SASH1: variants seen among roughly 807,000 people sequenced by gnomAD.
SASH1 encodes the protein SAM and SH3 domain containing 1.
A neutral mutation model predicts 125.2 loss-of-function variants in SASH1; 44 were observed. The observed-to-expected ratio is 0.35, with a 90% CI of 0.28 to 0.45. The LOEUF (loss-of-function observed/expected upper bound fraction) is 0.45. SASH1 is among the 20% of genes least tolerant of loss of function. The pLI, the probability that SASH1 is intolerant of heterozygous loss-of-function variation, is 1.00. For synonymous variants in SASH1, 639 were observed against 649.1 expected (o/e 0.98, Z 0.24); for missense variants, 1,426 against 1,614.5 (o/e 0.88, Z 2.00).
intron 17 of SASH1, 28 bp downstream of exon 17, chr6:148,540,584 C>G (rs370346094): frequency 2.0e-6 from 3 of 1,535,404 alleles, no homozygotes; most frequent in South Asian, 2.3e-5. Flanking sequence ...CGCTGGGAAC[C>G]TGCTTTGACA....
At chr6:148,253,880 T>A in the SASH1 span, among the ~76,000 whole-genome samples, 1 of 150,968 alleles carries the variant, frequency 6.6e-6, no homozygotes, top group Non-Finnish European at 1.5e-5. Context: ...CAAAAATAAA[T>A]AAATAAATAC....
the SASH1 span, among the ~76,000 whole-genome samples, chr6:148,256,674 A>G: frequency 2.6e-5 from 4 of 152,334 alleles, no homozygotes; most frequent in East Asian, 7.7e-4. Flanking sequence ...CAGGTCAGTG[A>G]GTTCCTTGGG....
At chr6:148,503,313 TAA>T (rs75511515) in intron 8 of SASH1, among the ~76,000 whole-genome samples, 3 of 149,158 alleles carry the variant, frequency 2.0e-5, no homozygotes, top group Admixed American at 6.7e-5. Context: ...GTCATCTTTC[TAA>T]AAAAAAAAAG....
chr6:148,464,302 T>G (rs1023669802), intron 4 of SASH1, among the ~76,000 whole-genome samples: 2 of 152,252 alleles, frequency 1.3e-5, no homozygotes, highest in Admixed American at 6.5e-5. Flanking sequence ...GTTCTGAGAC[T>G]TTAAATCCAA....
At chr6:148,527,361 AT>A in intron 11 of SASH1, 91 bp from the exon 12 acceptor site, 6 of 1,161,608 alleles carry the variant, frequency 5.2e-6, no homozygotes, top group Non-Finnish European at 5.9e-6. Flanking sequence ...GAATGTCAAT[AT>A]TTCTGAGAGC....
intron 4 of SASH1, among the ~76,000 whole-genome samples, chr6:148,459,291 C>A (rs1777507087): frequency 6.6e-6 from 1 of 152,154 alleles, no homozygotes. Context: ...ATGACTGAAT[C>A]CCATCCCAGA....
intron 2 of SASH1, among the ~76,000 whole-genome samples, chr6:148,421,227 G>GAAAGAAAGAAAGAAAGAAAGA (rs1215052788): frequency 6.6e-6 from 1 of 151,540 alleles, no homozygotes. Flanking sequence ...AAGAAAGAAA[G>GAAAGAAAGAAAGAAAGAAAGA]AAGGAAGTGA....
chr6:148,433,995 T>C (rs1399245827), intron 2 of SASH1, among the ~76,000 whole-genome samples: 2 of 151,750 alleles, frequency 1.3e-5, no homozygotes, highest in Admixed American at 6.6e-5. Flanking sequence ...TAGAATTCTT[T>C]TAGATATTTT....
chr6:148,216,177 C>T, the SASH1 span, among the ~76,000 whole-genome samples: 1 of 152,158 alleles, frequency 6.6e-6, no homozygotes, highest in Non-Finnish European at 1.5e-5. Flanking sequence ...ACTATACCAG[C>T]AATACCTTCT....
chr6:148,316,673 T>TAGTGG (rs1276879456), intron 1 of SASH1, among the ~76,000 whole-genome samples: 6 of 152,138 alleles, frequency 3.9e-5, no homozygotes, highest in Non-Finnish European at 7.4e-5. Flanking sequence ...ACCAAGAGAG[T>TAGTGG]AGTGGCATTT....
chr6:148,224,096 C>T, the SASH1 span, among the ~76,000 whole-genome samples: 52 of 152,212 alleles, frequency 3.4e-4, no homozygotes, highest in African/African-American at 1.2e-3. Context: ...GAGTTTGAGC[C>T]CAGCCTGAGC....
chr6:148,513,686 C>G (rs890231434), intron 8 of SASH1: 1 of 985,622 alleles, frequency 1.0e-6, no homozygotes, highest in African/African-American at 1.7e-5. Flanking sequence ...CAGCTTTTTC[C>G]CTTGTCTCTC....
chr6:148,402,893 G>C (rs1784231246), intron 2 of SASH1, among the ~76,000 whole-genome samples: 1 of 152,176 alleles, frequency 6.6e-6, no homozygotes, highest in South Asian at 2.1e-4. Flanking sequence ...ACAAGCGTGA[G>C]CCACAGCACC....
In SASH1 at chr6:148,343,112, C is replaced by CGGGGCCG; in HGVS notation, c.46_47insGGGCCGG (p.Glu16GlyfsTer48). The CGGGGCCG allele has an allele frequency of 6.3e-7, 1 of 1,583,200 alleles. No homozygotes were observed. Among genetic ancestry groups the CGGGGCCG allele is most frequent in the Non-Finnish European group, 8.5e-7 (1 of 1,171,870 alleles). ...CTGGCCCGGGGCCGGAGCCTGAGCC[C>CGGGGCCG]GAGCCCGAGCCGGAGCCCGAGCCCG... On this transcript the variant is annotated frameshift_variant, in exon 1 of 20. Transcript: ENST00000367467. LOFTEE classifies it high-confidence loss of function.
At chr6:148,455,190 C>A (rs1185343245) in intron 4 of SASH1, among the ~76,000 whole-genome samples, 1 of 152,168 alleles carries the variant, frequency 6.6e-6, no homozygotes, top group African/African-American at 2.4e-5. Flanking sequence ...AGAGACAGAT[C>A]CTCAGGCCTT....
In SASH1 at chr6:148,527,443, T is replaced by C. The variant is rs1228795355; in HGVS notation, c.1285-10T>C. On this transcript the variant is annotated splice_polypyrimidine_tract_variant and intron_variant, in intron 11 of 19. Transcript: ENST00000367467. ...GCGACCAACAATACTTGCAACATTTTGTTTTACAGGGTAAAGAAGGAGACT... is the reference window on the plus strand; with the variant it reads ...GCGACCAACAATACTTGCAACATTTCGTTTTACAGGGTAAAGAAGGAGACT... The C allele has an allele frequency of 6.4e-7, 1 of 1,557,510 alleles. No homozygotes were observed. Among genetic ancestry groups the C allele is most frequent in the Non-Finnish European group, 8.6e-7 (1 of 1,158,284 alleles).
rs76797611 is a variant in SASH1 at position 148,546,199 on chromosome 6, T to C, written c.3480+53T>C. The C allele has an allele frequency of 8.8e-6, 14 of 1,589,808 alleles. No individual in the cohort carries two copies. In the East Asian group the frequency reaches 3.1e-4, roughly 36 times the overall value. On this transcript the variant is annotated intron_variant, in intron 19 of 19. Transcript: ENST00000367467. ...CTGAGGCACATTTAGTGATCACGCT[T>C]AGTGATGACCATACTAACAACTGCC... is the stretch of plus-strand genomic sequence containing the variant.
chr6:148,261,576 G>T, the SASH1 span, among the ~76,000 whole-genome samples: 1 of 152,266 alleles, frequency 6.6e-6, no homozygotes, highest in Non-Finnish European at 1.5e-5. Context: ...GACACAAATT[G>T]CCTGTCAAGA....
At chr6:148,432,353 C>T (rs908886454) in intron 2 of SASH1, among the ~76,000 whole-genome samples, 13 of 152,136 alleles carry the variant, frequency 8.5e-5, no homozygotes, top group African/African-American at 1.7e-4. Flanking sequence ...AGGATCTCTC[C>T]GGTGAAGAAC....
Sources: allele counts gnomAD v4.1 joint callset (sites outside exome capture counted in the v4.1 genomes callset), GRCh38; gene constraint gnomAD v4.1.1; transcripts MANE v1.5; gene names NCBI Gene and HGNC (gene_info 2026-07-23, HGNC 2026-07-21).